The following LIFR variants were observed in gnomAD, a reference collection of about 807,000 sequenced individuals.
LIFR encodes the protein LIF receptor subunit alpha.
In LIFR, 84 loss-of-function variants were observed where a neutral mutation model predicts 122.2. The observed-to-expected ratio is 0.69, with a 90% confidence interval of 0.58 to 0.82. The LOEUF is 0.82. LIFR is among the 40% of genes least tolerant of loss of function. LIFR has a pLI of 0.00. For synonymous variants in LIFR, 422 were observed against 434.7 expected (o/e 0.97, Z 0.36); for missense variants, 1,294 against 1,311.6 (o/e 0.99, Z 0.21).
intron 4 of LIFR, among the ~76,000 whole-genome samples, chr5:38,525,065 G>T (rs925786052): frequency 6.6e-6 from 1 of 152,170 alleles, no homozygotes; most frequent in African/African-American, 2.4e-5. Context: ...CATGCTCAAA[G>T]GTTTGGGCAT....
intron 1 of LIFR, among the ~76,000 whole-genome samples, chr5:38,548,323 G>A (rs779471510): frequency 2.6e-5 from 4 of 152,154 alleles, no homozygotes; most frequent in Non-Finnish European, 4.4e-5. Context: ...AAATAACCTA[G>A]TATGTTCCTC....
intron 9 of LIFR, among the ~76,000 whole-genome samples, chr5:38,504,916 T>C (rs1745383022): frequency 6.6e-6 from 1 of 152,164 alleles, no homozygotes; most frequent in East Asian, 1.9e-4. Flanking sequence ...GTATGAGACA[T>C]GCCTTCGGTT....
chr5:38,501,557 G>T (rs918075920), intron 11 of LIFR, among the ~76,000 whole-genome samples: 9 of 152,116 alleles, frequency 5.9e-5, no homozygotes, highest in Non-Finnish European at 1.2e-4. Flanking sequence ...TTCGAGACCA[G>T]CCTGACCAAC....
intron 2 of LIFR, 23 bp from the exon 3 acceptor site, chr5:38,528,863 C>G (rs1030838988): frequency 9.5e-7 from 1 of 1,053,634 alleles, no homozygotes; most frequent in Non-Finnish European, 1.4e-6. Context: ...CACACACACA[C>G]ACACACACAC....
rs747171524 is a variant in LIFR at position 38,545,754 on chromosome 5, T to C, written c.-20+10580A>G. Among the ~76,000 whole-genome samples, 3 of 148,298 alleles carry C rather than the reference T, an allele frequency of 2.0e-5. No individual in the cohort carries two copies. The East Asian group carries it at 6.0e-4, about 30-fold the overall frequency. On this transcript the variant is annotated intron_variant, in intron 1 of 19. Transcript: ENST00000453190. ...GCGGGCGCCTGTAGTCCCAGCTATG[T>C]GGGAGGCTGAGGCAGGAGAATGGCG... is the stretch of plus-strand genomic sequence containing the variant.
Position 38,479,670 on chromosome 5 carries a change from G to A in LIFR, c.*1925C>T, listed in dbSNP as rs764095689. The A allele has an allele frequency of 8.7e-5, 20 of 230,982 alleles. No individual in the cohort carries two copies. Among genetic ancestry groups the A allele is most frequent in the Non-Finnish European group, 1.5e-4 (17 of 116,670 alleles). The allele number at this position is 230,982 out of a possible 1,614,324, so 14.3% of individuals were successfully genotyped here. A position where few individuals can be genotyped will look rare whatever the true frequency, so the allele number is the denominator to read the frequency against. ...CATTTCAACAGGGAACAAGGCAGGA[G>A]TTGAGGGCAAGCAGACAATGCTAAC... is the stretch of plus-strand genomic sequence containing the variant. On this transcript the variant is annotated 3_prime_UTR_variant, in exon 20 of 20. Coordinates refer to ENST00000453190, the MANE Select transcript of LIFR (RefSeq NM_001127671.2).
chr5:38,600,538 C>T (rs181507303), intron 2 of LIFR, among the ~76,000 whole-genome samples: 63 of 152,272 alleles, frequency 4.1e-4, no homozygotes, highest in Middle Eastern at 3.4e-3. Flanking sequence ...AGTCACCTTC[C>T]GCAATCTCTG....
At chr5:38,606,295 A>G (rs1341683158) in exon 2 of LIFR, 1 of 152,260 alleles carries the variant, frequency 6.6e-6, no homozygotes, top group Admixed American at 6.5e-5. Context: ...AGAAGATGAA[A>G]CAGGGGCAGG....
intron 15 of LIFR, among the ~76,000 whole-genome samples, 196 bp downstream of exon 15, chr5:38,489,994 C>G (rs1377605601): frequency 6.0e-5 from 3 of 49,686 alleles, no homozygotes; most frequent in African/African-American, 2.4e-4. Flanking sequence ...GACCCTCTCT[C>G]AAAAAAAAAA....
At position 38,490,365 on chromosome 5, in the gene LIFR, A is replaced by C. The variant is rs113874922; in HGVS notation, c.2066-74T>G. ...TATCTATTTTAGAAACATCAAGTTC[A>C]TAACATACTCTAAAATTTCCAAAGC... is the stretch of plus-strand genomic sequence containing the variant. On this transcript the variant is annotated intron_variant, in intron 14 of 19. Coordinates refer to ENST00000453190, the MANE Select transcript of LIFR (RefSeq NM_001127671.2). The C allele has an allele frequency of 4.5e-3, 2,794 of 627,004 alleles. 49 individuals are homozygous for C. Among genetic ancestry groups the C allele is most frequent in the African/African-American group, 0.044 (2,313 of 52,798 alleles). The allele number at this position is 627,004 out of a possible 1,614,324, so 38.8% of individuals were successfully genotyped here. A position where few individuals can be genotyped will look rare whatever the true frequency, so the allele number is the denominator to read the frequency against.
chr5:38,529,656 A>T (rs775457248), intron 2 of LIFR, among the ~76,000 whole-genome samples: 10 of 152,096 alleles, frequency 6.6e-5, no homozygotes, highest in Admixed American at 3.9e-4. Flanking sequence ...AGAGAGGGAA[A>T]GAGGGAAGAA....
rs1388040791 is a variant in LIFR at position 38,480,889 on chromosome 5, C to T, written c.*706G>A. The T allele has an allele frequency of 1.8e-5, 4 of 219,242 alleles. No individual in the cohort carries two copies. Among genetic ancestry groups the T allele is most frequent in the Admixed American group, 5.8e-5 (1 of 17,256 alleles). The allele number at this position is 219,242 out of a possible 1,614,324, so 13.6% of individuals were successfully genotyped here. ...AGCTAAAAAATAATGAAAAGGCTTGCAAAACCTATCACAGCAAGAAAACAT... is the reference window on the plus strand; with the variant it reads ...AGCTAAAAAATAATGAAAAGGCTTGTAAAACCTATCACAGCAAGAAAACAT... On this transcript the variant is annotated 3_prime_UTR_variant, in exon 20 of 20. Transcript: ENST00000453190.
intron 1 of LIFR, among the ~76,000 whole-genome samples, chr5:38,545,395 T>C (rs1259100205): frequency 2.6e-5 from 4 of 152,148 alleles, no homozygotes; most frequent in Admixed American, 1.3e-4. Flanking sequence ...CATATATATA[T>C]GCACAGAAAT....
chr5:38,478,997 A>G lies in LIFR; in HGVS notation c.*2598T>C, dbSNP rs1743849308. ...CAATCAGTATGAGACCACCTTGTAA[A>G]TGCAGGCATGCAACCTTCATTGACA... On this transcript the variant is annotated 3_prime_UTR_variant, in exon 20 of 20. Coordinates refer to ENST00000453190, the MANE Select transcript of LIFR (RefSeq NM_001127671.2). 1 of 231,368 alleles carries G rather than the reference A, an allele frequency of 4.3e-6. No individual in the cohort carries two copies. The highest frequency in any genetic ancestry group is 8.6e-6 in the Non-Finnish European group (1 of 116,882). 14.3% of individuals were successfully genotyped at this position (231,368 alleles called of 1,614,324 possible).
In LIFR at chr5:38,579,550, C is replaced by T. The variant is rs79274394; in HGVS notation, c.-20+15711G>A. 6.2e-3 allele frequency: 949 copies of T among 152,242 alleles called. 9 individuals carry two copies. Among genetic ancestry groups the T allele is most frequent in the African/African-American group, 0.022 (901 of 41,534 alleles). The allele number at this position is 152,242 out of a possible 1,614,324, so 9.4% of individuals were successfully genotyped here. On this transcript the variant is annotated intron_variant, in intron 1 of 19. Transcript: ENST00000263409. ...GCAATGTAAACCAGCACACCGAAGG[C>T]TCTCAGAAGTCCTGCAATAGAAAAA... is the stretch of plus-strand genomic sequence containing the variant.
chr5:38,489,069 T>G lies in LIFR; in HGVS notation c.2335+9A>C. Reference sequence around the variant, plus strand: ...AGAAACACTTTCCTTGTGCTATCAATTTACTCACCTGATTCTAAAACCCTC... The same window carrying G: ...AGAAACACTTTCCTTGTGCTATCAAGTTACTCACCTGATTCTAAAACCCTC... On this transcript the variant is annotated intron_variant, in intron 16 of 19. Transcript: ENST00000453190. 1 of 1,609,474 alleles carries G rather than the reference T, an allele frequency of 6.2e-7. No homozygotes were observed. Among genetic ancestry groups the G allele is most frequent in the South Asian group, 1.1e-5 (1 of 90,984 alleles).
chr5:38,524,727 G>A (rs1336258043), intron 4 of LIFR, among the ~76,000 whole-genome samples: 1 of 152,126 alleles, frequency 6.6e-6, no homozygotes, highest in Non-Finnish European at 1.5e-5. Flanking sequence ...GGAACTGATT[G>A]AGTGTAGTGG....
At position 38,496,608 on chromosome 5, in the gene LIFR, G is replaced by A. The variant is rs976479515; in HGVS notation, c.1672-13C>T. On this transcript the variant is annotated splice_polypyrimidine_tract_variant and intron_variant, in intron 12 of 19. Coordinates refer to ENST00000453190, the MANE Select transcript of LIFR (RefSeq NM_001127671.2). Reference sequence around the variant, plus strand: ...TAATGGGTAAAGGCTATGAAAAACAGACAAATTGTTATAAAACCCTGCAAA... The same window carrying A: ...TAATGGGTAAAGGCTATGAAAAACAAACAAATTGTTATAAAACCCTGCAAA... 3.2e-6 allele frequency: 5 copies of A among 1,581,894 alleles called. No individual in the cohort carries two copies. The African/African-American group carries it at 6.7e-5, about 21-fold the overall frequency.
At chr5:38,581,508 C>T (rs1218619032) in intron 1 of LIFR, among the ~76,000 whole-genome samples, 2 of 152,304 alleles carry the variant, frequency 1.3e-5, no homozygotes, top group East Asian at 3.9e-4. Context: ...CTGCTGTAAC[C>T]AGCATCCCAT....
Sources: gnomAD v4.1 joint callset for allele counts (sites outside exome capture counted in the v4.1 genomes callset) on GRCh38, gnomAD v4.1.1 for gene constraint, MANE v1.5 for transcripts, NCBI Gene and HGNC (gene_info 2026-07-23, HGNC 2026-07-21) for gene names.